The following SLC38A8 variants were observed in gnomAD, a reference collection of about 807,000 sequenced individuals.
SLC38A8 encodes solute carrier family 38 member 8.
Under a neutral mutation model 46.0 loss-of-function variants are expected in SLC38A8, and 65 were observed. The observed-to-expected ratio is 1.41, with a 90% confidence interval of 1.16 to 1.74. The LOEUF (loss-of-function observed/expected upper bound fraction) is 1.74. Among genes scored for constraint, SLC38A8 ranks in the 40% most tolerant of loss-of-function variants. SLC38A8 has a pLI of 0.00. For synonymous variants in SLC38A8, 447 were observed against 243.7 expected, an observed-to-expected ratio of 1.83 and a Z score of -7.77; for missense variants, 998 against 567.9, an observed-to-expected ratio of 1.76 and a Z score of -7.70.
intron 4 of SLC38A8, 90 bp from the exon 5 acceptor site, chr16:84,032,058 G>A (rs548648564): frequency 3.6e-5 from 41 of 1,136,168 alleles, no homozygotes; most frequent in African/African-American, 1.1e-4. Context: ...TCCCAGCTCC[G>A]CCCTTGACAA....
chr16:84,029,690 CG>C, intron 5 of SLC38A8, 139 bp from the exon 6 acceptor site: 1 of 824,004 alleles, frequency 1.2e-6, no homozygotes, highest in South Asian at 1.7e-5. Flanking sequence ...TGACTGTGTC[CG>C]TGACCGGGCT....
chr16:84,023,096 A>G (rs2085114975), intron 6 of SLC38A8, among the ~76,000 whole-genome samples: 1 of 152,124 alleles, frequency 6.6e-6, no homozygotes, highest in Non-Finnish European at 1.5e-5. Context: ...TTACATGCCC[A>G]AACACGCCAC....
At chr16:84,039,161 C>G (rs2085338029) in intron 2 of SLC38A8, among the ~76,000 whole-genome samples, 1 of 152,130 alleles carries the variant, frequency 6.6e-6, no homozygotes, top group Non-Finnish European at 1.5e-5. Context: ...CCACCAGGAG[C>G]TCGAAGAGCC....
In SLC38A8 at chr16:84,036,992, T is replaced by C. The variant is rs532460188; in HGVS notation, c.190-92A>G. 967 of 1,299,770 alleles carry C rather than the reference T, an allele frequency of 7.4e-4. 4 individuals carry two copies. Among genetic ancestry groups the C allele is most frequent in the Non-Finnish European group, 9.1e-4 (859 of 944,674 alleles). 80.5% of individuals were successfully genotyped at this position (1,299,770 alleles called of 1,614,324 possible). On this transcript the variant is annotated intron_variant, in intron 2 of 10. Transcript: ENST00000299709. ...CCCTCGGGCACACTCTCCACATGGC[T>C]TCTCATCCACAGAGGCCAGGGCTGC...
intron 3 of SLC38A8, 83 bp from the exon 4 acceptor site, chr16:84,033,552 T>G: frequency 6.8e-7 from 1 of 1,464,130 alleles, no homozygotes; most frequent in South Asian, 1.4e-5. Flanking sequence ...CAACCCTGGC[T>G]GGGGTTGGAC....
intron 10 of SLC38A8, among the ~76,000 whole-genome samples, chr16:84,012,004 C>T (rs936294541): frequency 2.0e-5 from 3 of 152,160 alleles, no homozygotes; most frequent in African/African-American, 7.2e-5. Flanking sequence ...GCACCTGGGG[C>T]CACCAGAAGC....
chr16:84,038,336 G>A (rs2085325765), intron 2 of SLC38A8, among the ~76,000 whole-genome samples: 1 of 151,910 alleles, frequency 6.6e-6, no homozygotes, highest in Non-Finnish European at 1.5e-5. Context: ...CAGATGTACA[G>A]GAAAGTTGCA....
chr16:84,030,238 G>T (rs1192000624), intron 5 of SLC38A8, among the ~76,000 whole-genome samples: 1 of 152,142 alleles, frequency 6.6e-6, no homozygotes, highest in Non-Finnish European at 1.5e-5. Context: ...AGACAGGAAA[G>T]ATCTGCCCCT....
At chr16:84,037,867 G>C (rs1415988335) in intron 2 of SLC38A8, among the ~76,000 whole-genome samples, 1 of 136,974 alleles carries the variant, frequency 7.3e-6, no homozygotes, top group African/African-American at 2.8e-5. Context: ...GGAGTGCCAT[G>C]GCACGACCTC....
At position 84,032,509 on chromosome 16, in the gene SLC38A8, G is replaced by A. The variant is rs77681986; in HGVS notation, c.531-541C>T. Among the ~76,000 whole-genome samples, 1,480 of 152,290 alleles carry A rather than the reference G, an allele frequency of 9.7e-3. 18 individuals carry two copies. The highest frequency in any genetic ancestry group is 0.034 in the African/African-American group (1,425 of 41,568). On this transcript the variant is annotated intron_variant, in intron 4 of 10. Transcript: ENST00000299709. ...TGTGTAGAATTCTTAATGGCACCCGGCGCCCTTCGGGATGGCAGCTGTAAT... is the reference window on the plus strand; with the variant it reads ...TGTGTAGAATTCTTAATGGCACCCGACGCCCTTCGGGATGGCAGCTGTAAT...
chr16:84,024,712 CAG>C (rs1022647909), intron 6 of SLC38A8, among the ~76,000 whole-genome samples: 42 of 152,060 alleles, frequency 2.8e-4, no homozygotes, highest in African/African-American at 9.9e-4. Flanking sequence ...GCCTGGGAGG[CAG>C]AGTCTCGCTC....
intron 10 of SLC38A8, 92 bp downstream of exon 10, chr16:84,012,909 G>A (rs1337396846): frequency 7.3e-6 from 10 of 1,365,162 alleles, no homozygotes; most frequent in Non-Finnish European, 9.3e-6. Context: ...AGGATGCAGA[G>A]GATGAGAAAT....
At chr16:84,019,919 C>G (rs957287551) in intron 7 of SLC38A8, among the ~76,000 whole-genome samples, 1 of 152,272 alleles carries the variant, frequency 6.6e-6, no homozygotes, top group African/African-American at 2.4e-5. Flanking sequence ...CCTGGACACA[C>G]TGAGGCAACC....
chr16:84,013,012 T>A lies in SLC38A8; in HGVS notation c.1203A>T (p.Gly401=). The change falls in exon 10 of 11, where the codon GGA becomes GGT. Residue 401 remains glycine (G), a synonymous_variant. Transcript: ENST00000299709. ...LICAMGVEPI[G]PRVKCCLEVW... ...TTAGGGACACTTACTTGACTCTTGG[T>A]CCTATAGGCTCGACACCCATTGCAC... 6.2e-7 allele frequency: 1 copy of A among 1,614,112 alleles called. No individual in the cohort carries two copies. The highest frequency in any genetic ancestry group is 8.5e-7 in the Non-Finnish European group (1 of 1,179,980).
In SLC38A8 at chr16:84,029,491, T is replaced by C; in HGVS notation, c.690+3A>G. The stretch of plus-strand genomic sequence containing the variant: ...CAGGCTGCAACACAGATGCTAAAAT[T>C]ACCTGAAACCCGAAGCAGATGGTGG... On this transcript the variant is annotated splice_donor_region_variant and intron_variant, in intron 6 of 10. Coordinates refer to ENST00000299709, the MANE Select transcript of SLC38A8 (RefSeq NM_001080442.3). 1 of 1,613,926 alleles carries C rather than the reference T, an allele frequency of 6.2e-7. No individual in the cohort carries two copies. Among genetic ancestry groups the C allele is most frequent in the Non-Finnish European group, 8.5e-7 (1 of 1,179,924 alleles).
At chr16:84,014,334 T>G (rs1224696146) in intron 9 of SLC38A8, among the ~76,000 whole-genome samples, 1 of 142,252 alleles carries the variant, frequency 7.0e-6, no homozygotes, top group Non-Finnish European at 1.5e-5. Context: ...CACCCTCACC[T>G]CTGAAAGCCC....
chr16:84,017,388 T>A, intron 7 of SLC38A8, 101 bp from the exon 8 acceptor site: 1 of 1,385,140 alleles, frequency 7.2e-7, no homozygotes, highest in Non-Finnish European at 9.9e-7. Context: ...ACCTAAGATT[T>A]TCCTTAGGAG....
In SLC38A8 at chr16:84,018,265, C is replaced by A. The variant is rs564026896; in HGVS notation, c.806-978G>T. Among the ~76,000 whole-genome samples, 10 of 123,046 alleles carry A rather than the reference C, an allele frequency of 8.1e-5. No homozygotes were observed. The South Asian group carries it at 1.4e-3, about 18-fold the overall frequency. The allele number at this position is 123,046 out of a possible 152,430, so 80.7% of individuals were successfully genotyped here. On this transcript the variant is annotated intron_variant, in intron 7 of 10. Coordinates refer to ENST00000299709, the MANE Select transcript of SLC38A8 (RefSeq NM_001080442.3). ...TTTTTTTTTTTGAGACAGAGTCTCT[C>A]TCTGTCGCCCAGGCTGGAGTGCAGT...
At chr16:84,039,993 G>C (rs1204910598) in intron 2 of SLC38A8, 1 of 152,222 alleles carries the variant, frequency 6.6e-6, no homozygotes, top group African/African-American at 2.4e-5. Flanking sequence ...TAGCTCCTGA[G>C]ATCAGATGAG....
Sources: gnomAD v4.1 joint callset for allele counts (sites outside exome capture counted in the v4.1 genomes callset) on GRCh38, gnomAD v4.1.1 for gene constraint, MANE v1.5 for transcripts, NCBI Gene and HGNC (gene_info 2026-07-23, HGNC 2026-07-21) for gene names.